ABCC4: variants seen among roughly 807,000 people sequenced by gnomAD.
The protein encoded by ABCC4 is ATP binding cassette subfamily C member 4 (PEL blood group).
ABCC4 carries 102 observed loss-of-function variants against 168.5 expected under a neutral mutation model. The observed-to-expected ratio is 0.61, with a 90% confidence interval of 0.52 to 0.71. The LOEUF is 0.71. ABCC4 is among the 30% of genes least tolerant of loss of function. The probability of loss-of-function intolerance (pLI) is 0.00; values close to 1 mark genes in which losing one functional copy is unlikely to be tolerated. For synonymous variants in ABCC4, 617 were observed against 590.7 expected (o/e 1.04, Z -0.65); for missense variants, 1,402 against 1,605.8 (o/e 0.87, Z 2.17).
chr13:95,062,507 C>CACAG (rs756557441), intron 26 of ABCC4, among the ~76,000 whole-genome samples, 197 bp downstream of exon 26: 13 of 151,302 alleles, frequency 8.6e-5, no homozygotes, highest in African/African-American at 1.5e-4. Context: ...CACACACACA[C>CACAG]AGAGAGAGAG....
chr13:95,186,714 C>G lies in ABCC4; in HGVS notation c.1532G>C (p.Cys511Ser), dbSNP rs2038073782. Residue 511 changes from cysteine to serine, a missense_variant, in exon 11 of 31, where the codon TGT becomes TCT. By Grantham distance (112) the Cys-to-Ser change is moderately radical. This residue lies in a region of ABCC4 where 1,007 missense variants were observed against 1,127.3 expected (regional missense o/e 0.89). Transcript: ENST00000645237. ...GTCATCACTCACCTTTTTCAGAGCA[C>G]AAGCCTTTATGACTTTTTCATATCG... ...KERYEKVIKA[C>S]ALKKDLQLLE... 1.2e-6 allele frequency: 2 copies of G among 1,613,630 alleles called. No homozygotes were observed. Among genetic ancestry groups the G allele is most frequent in the Non-Finnish European group, 1.7e-6 (2 of 1,179,790 alleles).
chr13:95,060,122 A>C (rs570199259), intron 26 of ABCC4, among the ~76,000 whole-genome samples: 2 of 152,158 alleles, frequency 1.3e-5, no homozygotes, highest in African/African-American at 4.8e-5. Context: ...CTTTTTTTCA[A>C]CCAACATTGA....
At chr13:95,023,933 G>A (rs1450238296) in intron 30 of ABCC4, among the ~76,000 whole-genome samples, 3 of 152,278 alleles carry the variant, frequency 2.0e-5, no homozygotes, top group African/African-American at 7.2e-5. Flanking sequence ...CAGGCTGGGC[G>A]TGGTGGCTCA....
chr13:95,275,749 CAAAAA>C (rs61446542), intron 1 of ABCC4, among the ~76,000 whole-genome samples: 1 of 141,718 alleles, frequency 7.1e-6, no homozygotes, highest in Non-Finnish European at 1.5e-5. Context: ...GTTTCTGTCT[CAAAAA>C]AAAAAAAAAA....
intron 21 of ABCC4, among the ~76,000 whole-genome samples, chr13:95,076,836 T>C (rs1394669363): frequency 6.6e-6 from 1 of 152,126 alleles, no homozygotes; most frequent in Non-Finnish European, 1.5e-5. Flanking sequence ...CATAGCTCAC[T>C]GCCACCTTGA....
chr13:95,097,944 T>A (rs563368122), intron 20 of ABCC4, among the ~76,000 whole-genome samples: 2 of 152,064 alleles, frequency 1.3e-5, no homozygotes, highest in Admixed American at 1.3e-4. Context: ...CAGACCAACC[T>A]GGGCAACATG....
At chr13:95,030,929 A>G (rs2031850762) in intron 30 of ABCC4, among the ~76,000 whole-genome samples, 1 of 152,220 alleles carries the variant, frequency 6.6e-6, no homozygotes, top group Non-Finnish European at 1.5e-5. Context: ...CAGTCAAAAG[A>G]GAGACTCAGC....
chr13:95,109,324 A>G (rs1308495539), intron 20 of ABCC4, among the ~76,000 whole-genome samples: 1 of 152,078 alleles, frequency 6.6e-6, no homozygotes, highest in Non-Finnish European at 1.5e-5. Flanking sequence ...CGAAAGAGAG[A>G]CTTTCGCTGG....
chr13:95,130,488 G>T (rs1343853395), intron 19 of ABCC4, among the ~76,000 whole-genome samples: 2 of 152,140 alleles, frequency 1.3e-5, no homozygotes, highest in African/African-American at 4.8e-5. Flanking sequence ...AAATGATTTT[G>T]AGGGGAGAAA....
At chr13:95,274,772 A>G (rs1399465585) in intron 1 of ABCC4, among the ~76,000 whole-genome samples, 1 of 152,168 alleles carries the variant, frequency 6.6e-6, no homozygotes, top group Non-Finnish European at 1.5e-5. Flanking sequence ...CTCACTGACC[A>G]TCACAAAAAA....
At chr13:95,095,080 G>C (rs1161782217) in intron 20 of ABCC4, among the ~76,000 whole-genome samples, 1 of 152,212 alleles carries the variant, frequency 6.6e-6, no homozygotes, top group Admixed American at 6.5e-5. Flanking sequence ...ATGGAAAATA[G>C]TGTGGAAATT....
At chr13:95,206,817 T>C (rs1324486173) in intron 7 of ABCC4, 36 bp from the exon 8 acceptor site, 1 of 1,608,596 alleles carries the variant, frequency 6.2e-7, no homozygotes, top group South Asian at 1.1e-5. Flanking sequence ...AAAGCAGTGA[T>C]GTCAACCAGA....
intron 1 of ABCC4, among the ~76,000 whole-genome samples, chr13:95,300,872 G>C (rs2041657542): frequency 6.6e-6 from 1 of 152,202 alleles, no homozygotes; most frequent in South Asian, 2.1e-4. Flanking sequence ...GGCGTGTAAG[G>C]GGTGCAGTCG....
At chr13:95,143,730 T>G (rs2036395393) in intron 19 of ABCC4, among the ~76,000 whole-genome samples, 2 of 152,112 alleles carry the variant, frequency 1.3e-5, no homozygotes, top group Non-Finnish European at 1.5e-5. Context: ...TCCTAACATA[T>G]GACCGGTTAA....
intron 1 of ABCC4, 124 bp downstream of exon 1, chr13:95,301,117 G>T: frequency 1.1e-6 from 1 of 905,440 alleles, no homozygotes; most frequent in Non-Finnish European, 1.6e-6. Flanking sequence ...ACCGCGTGGC[G>T]TAGGAAAGCG....
intron 20 of ABCC4, among the ~76,000 whole-genome samples, chr13:95,099,327 A>G (rs2034716779): frequency 6.6e-6 from 1 of 152,194 alleles, no homozygotes; most frequent in South Asian, 2.1e-4. Flanking sequence ...GAAATCTGGA[A>G]GAGGTGTAGA....
At position 95,062,698 on chromosome 13, in the gene ABCC4, G is replaced by C. The variant is rs1440285344; in HGVS notation, c.3366+6C>G. 6.2e-7 allele frequency: 1 copy of C among 1,612,592 alleles called. No homozygotes were observed. Among genetic ancestry groups the C allele is most frequent in the Admixed American group, 1.7e-5 (1 of 59,912 alleles). ...GGGGCAGGTAAGGACGCTATGACTTGCATACCTGAGGTATGATTGACATCT... is the reference window on the plus strand; with the variant it reads ...GGGGCAGGTAAGGACGCTATGACTTCCATACCTGAGGTATGATTGACATCT... On this transcript the variant is annotated splice_donor_region_variant and intron_variant, in intron 26 of 30. Transcript: ENST00000645237.
intron 3 of ABCC4, among the ~76,000 whole-genome samples, chr13:95,242,195 T>C (rs779621111): frequency 6.6e-6 from 1 of 151,618 alleles, no homozygotes. Context: ...GCATCTTCAT[T>C]AAATCAACTG....
At chr13:95,025,213 CCACACACCCCCA>C (rs2031374336) in intron 30 of ABCC4, among the ~76,000 whole-genome samples, 1 of 55,696 alleles carries the variant, frequency 1.8e-5, no homozygotes, top group African/African-American at 7.7e-5. Flanking sequence ...CCCACACCCC[CCACACACCCCCA>C]CACACACCCA....
Sources: gnomAD v4.1 joint callset for allele counts (sites outside exome capture counted in the v4.1 genomes callset) on GRCh38, gnomAD v4.1.1 for gene constraint, gnomAD v4.1.1 regional missense constraint, MANE v1.5 for transcripts, NCBI Gene and HGNC (gene_info 2026-07-23, HGNC 2026-07-21) for gene names.